Variants in PPP2CB observed in about 807,000 individuals in gnomAD.
The protein encoded by PPP2CB is protein phosphatase 2 catalytic subunit beta.
In PPP2CB, 18 loss-of-function variants were observed where a neutral mutation model predicts 39.1. The ratio of observed to expected loss-of-function variants is 0.46; its 90% CI spans 0.32 to 0.68. PPP2CB has a LOEUF of 0.68. Ranked by LOEUF, PPP2CB falls within the 30% of genes least tolerant of loss-of-function variation. The pLI, the probability that PPP2CB is intolerant of heterozygous loss-of-function variation, is 0.04. For missense variants in PPP2CB, 226 were observed against 396.9 expected (o/e 0.57, Z 3.66); for synonymous variants, 129 against 133.8 (o/e 0.96, Z 0.25).
chr8:30,808,753 T>TA (rs1306661783), intron 1 of PPP2CB, among the ~76,000 whole-genome samples: 2 of 151,806 alleles, frequency 1.3e-5, no homozygotes, highest in Middle Eastern at 3.2e-3. Context: ...AGCCACTATA[T>TA]AAAAAAAACT....
At chr8:30,804,451 G>C (rs1806685620) in intron 1 of PPP2CB, among the ~76,000 whole-genome samples, 1 of 152,190 alleles carries the variant, frequency 6.6e-6, no homozygotes, top group Non-Finnish European at 1.5e-5. Context: ...CCCACTATCA[G>C]TTTGGTCTCT....
intron 3 of PPP2CB, among the ~76,000 whole-genome samples, chr8:30,796,368 A>T (rs1249090896): frequency 6.6e-6 from 1 of 151,974 alleles, no homozygotes; most frequent in African/African-American, 2.4e-5. Context: ...GAGTTTTATT[A>T]TATGTTTTAT....
intron 1 of PPP2CB, 24 bp from the exon 2 acceptor site, chr8:30,799,779 A>G (rs1379448828): frequency 5.6e-6 from 9 of 1,596,636 alleles, no homozygotes; most frequent in Non-Finnish European, 6.9e-6. Flanking sequence ...GAAATCAACA[A>G]TTACAAAGTT....
chr8:30,789,049 CTTTTTTT>C (rs5890534), intron 6 of PPP2CB, among the ~76,000 whole-genome samples: 3 of 137,044 alleles, frequency 2.2e-5, no homozygotes, highest in East Asian at 2.1e-4. Context: ...GATGTTTTTA[CTTTTTTT>C]TTTTTTTTTT....
intron 6 of PPP2CB, chr8:30,790,993 C>T: frequency 6.6e-6 from 3 of 452,718 alleles, no homozygotes; most frequent in South Asian, 3.4e-5. Flanking sequence ...ACTGTTTCTC[C>T]ACCTGCTGTA....
Position 30,803,229 on chromosome 8 carries a change from C to T in PPP2CB, c.103-3474G>A, listed in dbSNP as rs114302899. ...ATGGTCTTAATCTTCTTGACAAATA[C>T]AGGTATTTCATGACACTGAAAGCAC... is the stretch of plus-strand genomic sequence containing the variant. On this transcript the variant is annotated intron_variant, in intron 1 of 6. Transcript: ENST00000221138. Among the ~76,000 whole-genome samples the T allele has an allele frequency of 8.2e-3, 1,249 of 151,954 alleles. 17 individuals carry two copies. Among genetic ancestry groups the T allele is most frequent in the African/African-American group, 0.029 (1,193 of 41,450 alleles).
intron 1 of PPP2CB, among the ~76,000 whole-genome samples, chr8:30,811,340 T>C (rs1158510707): frequency 1.3e-5 from 2 of 152,170 alleles, no homozygotes; most frequent in South Asian, 2.1e-4. Context: ...AAACTTAAGA[T>C]CGGCTCTCGT....
At chr8:30,806,828 A>T (rs1806734193) in intron 1 of PPP2CB, among the ~76,000 whole-genome samples, 1 of 152,242 alleles carries the variant, frequency 6.6e-6, no homozygotes, top group Non-Finnish European at 1.5e-5. Flanking sequence ...GAAATTTTAC[A>T]TTGCAAATAT....
chr8:30,788,934 C>A (rs2128760167), intron 6 of PPP2CB, among the ~76,000 whole-genome samples: 1 of 152,238 alleles, frequency 6.6e-6, no homozygotes, highest in African/African-American at 2.4e-5. Flanking sequence ...TCCTTGGGGA[C>A]TGATCTTGTC....
intron 4 of PPP2CB, 35 bp downstream of exon 4, chr8:30,794,157 T>C: frequency 6.2e-7 from 1 of 1,608,532 alleles, no homozygotes; most frequent in Non-Finnish European, 8.5e-7. Context: ...TTATATTTTC[T>C]TTTCCTTTCT....
intron 1 of PPP2CB, among the ~76,000 whole-genome samples, chr8:30,811,037 A>T (rs1806816760): frequency 6.6e-6 from 1 of 152,196 alleles, no homozygotes; most frequent in Non-Finnish European, 1.5e-5. Context: ...TTTTAACCTA[A>T]AAATACATGA....
Position 30,812,460 on chromosome 8 carries a change from G to T in PPP2CB, c.-39C>A. 7.1e-7 allele frequency: 1 copy of T among 1,418,054 alleles called. No individual in the cohort carries two copies. Among genetic ancestry groups the T allele is most frequent in the Non-Finnish European group, 9.4e-7 (1 of 1,069,334 alleles). 87.8% of individuals were successfully genotyped at this position (1,418,054 alleles called of 1,614,324 possible). A position where few individuals can be genotyped will look rare whatever the true frequency, so the allele number is the denominator to read the frequency against. On this transcript the variant is annotated 5_prime_UTR_variant, in exon 1 of 7. Transcript: ENST00000221138. Reference sequence around the variant, plus strand: ...CGATGCGGATCCCGAGCCCCAGCCCGGCCGCCGCCCTCCCCCCTCCCCACC... The same window carrying T: ...CGATGCGGATCCCGAGCCCCAGCCCTGCCGCCGCCCTCCCCCCTCCCCACC...
At chr8:30,789,632 G>C (rs368329060) in intron 6 of PPP2CB, among the ~76,000 whole-genome samples, 1 of 152,142 alleles carries the variant, frequency 6.6e-6, no homozygotes, top group Admixed American at 6.6e-5. Context: ...GGATGAGTGT[G>C]ATTTTATTTT....
Position 30,812,429 on chromosome 8 carries a change from C to CGATCCCGATGCG in PPP2CB, c.-20_-9dup, listed in dbSNP as rs761846215. The CGATCCCGATGCG allele has an allele frequency of 2.6e-6, 4 of 1,521,050 alleles. No individual in the cohort carries two copies. The highest frequency in any genetic ancestry group is 2.7e-6 in the Non-Finnish European group (3 of 1,131,128). 94.2% of individuals were successfully genotyped at this position (1,521,050 alleles called of 1,614,324 possible). ...GAACGCCTTGTCGTCCATGGCGGCC[C>CGATCCCGATGCG]GATCCCGATGCGGATCCCGAGCCCC... On this transcript the variant is annotated 5_prime_UTR_variant, in exon 1 of 7. Transcript: ENST00000221138.
intron 1 of PPP2CB, among the ~76,000 whole-genome samples, chr8:30,809,412 T>C (rs961331120): frequency 1.3e-5 from 2 of 151,954 alleles, no homozygotes; most frequent in Non-Finnish European, 2.9e-5. Context: ...AACTAGAAAC[T>C]AAGGTCAGAA....
intron 1 of PPP2CB, among the ~76,000 whole-genome samples, chr8:30,800,970 G>T (rs112049485): frequency 0.069 from 10,488 of 152,104 alleles, 533 homozygotes; most frequent in Admixed American, 0.19. Context: ...ACTTTGGGAG[G>T]CCGAGGGGGG....
At position 30,788,972 on chromosome 8, in the gene PPP2CB, G is replaced by C. The variant is rs539078312; in HGVS notation, c.857+2225C>G. 1.1e-3 allele frequency among the ~76,000 whole-genome samples: 173 copies of C among 151,870 alleles called. 1 individual carries two copies. The highest frequency in any genetic ancestry group is 2.1e-3 in the Non-Finnish European group (140 of 67,984). On this transcript the variant is annotated intron_variant, in intron 6 of 6. Coordinates refer to ENST00000221138, the MANE Select transcript of PPP2CB (RefSeq NM_001009552.2). ...TTTGGTGGTTTATTATTTTTGTTTA[G>C]TGACTTAGCTGAACTAACTGTAAAG...
In PPP2CB at chr8:30,791,343, T is replaced by A. The variant is rs201440458; in HGVS notation, c.739-28A>T. On this transcript the variant is annotated intron_variant, in intron 5 of 6. Coordinates refer to ENST00000221138, the MANE Select transcript of PPP2CB (RefSeq NM_001009552.2). ...GCAGGATAAAAACAAATTCATTATTTCATTATAATATTATGATTTTGACAC... is the reference window on the plus strand; with the variant it reads ...GCAGGATAAAAACAAATTCATTATTACATTATAATATTATGATTTTGACAC... The A allele has an allele frequency of 6.2e-6, 9 of 1,453,436 alleles. No homozygotes were observed. The East Asian group carries it at 2.1e-4, about 33-fold the overall frequency. 90.0% of individuals were successfully genotyped at this position (1,453,436 alleles called of 1,614,324 possible).
intron 6 of PPP2CB, 173 bp downstream of exon 6, chr8:30,791,024 A>G (rs1806419713): frequency 7.5e-6 from 4 of 532,922 alleles, no homozygotes; most frequent in Non-Finnish European, 1.3e-5. Context: ...ACAATTTCCA[A>G]AAGCTTTGAA....
Sources: allele counts gnomAD v4.1 joint callset (sites outside exome capture counted in the v4.1 genomes callset), GRCh38; gene constraint gnomAD v4.1.1; transcripts MANE v1.5; gene names NCBI Gene and HGNC (gene_info 2026-07-23, HGNC 2026-07-21).